TMEM222: variants seen among roughly 807,000 people sequenced by gnomAD.
The protein encoded by TMEM222 is chromosome 1 open reading frame 160.
In TMEM222, 18 loss-of-function variants were observed where a neutral mutation model predicts 25.1. That is an observed-to-expected ratio of 0.72 (90% CI 0.50 to 1.06). The LOEUF is 1.06. TMEM222 is among the 50% of genes least tolerant of loss of function. TMEM222 has a pLI of 0.00. For missense variants in TMEM222, 296 were observed against 293.7 expected (o/e 1.01, Z -0.06); for synonymous variants, 131 against 117.9 (o/e 1.11, Z -0.72).
chr1:27,325,718 C>T, intron 1 of TMEM222: 1 of 878,026 alleles, frequency 1.1e-6, no homozygotes, highest in East Asian at 2.4e-5. Context: ...CCTCACTGTC[C>T]ACCTTCCAGC....
rs753514574 is a variant in TMEM222, at chr1:27,334,049, C to A, written c.403C>A (p.Arg135Ser). The A allele has an allele frequency of 6.2e-7, 1 of 1,613,994 alleles. No individual in the cohort carries two copies. Among genetic ancestry groups the A allele is most frequent in the East Asian group, 2.2e-5 (1 of 44,890 alleles). ...CGACGCCTCTGAGGAGTACAAGCAC[C>A]GCATGGTAGGTGGGCCAGGGCGGCA... is the stretch of plus-strand genomic sequence containing the variant. The part of the protein sequence containing the change: ...VHDASEEYKH[R>S]MHNLCCDNCH... The change falls in exon 4 of 6, where the codon CGC becomes AGC. Residue 135 changes from arginine (R) to serine (S), a missense_variant. Coordinates refer to ENST00000374076, the MANE Select transcript of TMEM222 (RefSeq NM_032125.3).
Position 27,336,246 on chromosome 1 carries a change from G to A in TMEM222, c.*780G>A, listed in dbSNP as rs1056044371. The A allele has an allele frequency of 5.9e-5, 9 of 152,512 alleles. No homozygotes were observed. Among genetic ancestry groups the A allele is most frequent in the East Asian group, 3.8e-4 (2 of 5,202 alleles). 9.4% of individuals were successfully genotyped at this position (152,512 alleles called of 1,614,324 possible). A position where few individuals can be genotyped will look rare whatever the true frequency, so the allele number is the denominator to read the frequency against. On this transcript the variant is annotated 3_prime_UTR_variant, in exon 6 of 6. Coordinates refer to ENST00000374076, the MANE Select transcript of TMEM222 (RefSeq NM_032125.3). ...CCTGGGTGGCCTGCCAGCACAGCCA[G>A]TGCCATCAGGGAGCTGAAGGGGCTG...
At chr1:27,332,203 A>G in intron 3 of TMEM222, 102 bp downstream of exon 3, 2 of 1,419,234 alleles carry the variant, frequency 1.4e-6, no homozygotes, top group Non-Finnish European at 2.0e-6. Flanking sequence ...CCCTGAGAAT[A>G]GAGTATTTGG....
At chr1:27,324,432 C>T (rs2014290191) in intron 1 of TMEM222, among the ~76,000 whole-genome samples, 1 of 152,242 alleles carries the variant, frequency 6.6e-6, no homozygotes, top group Non-Finnish European at 1.5e-5. Flanking sequence ...CTCAAAAACA[C>T]CATCTGTGGC....
At chr1:27,327,834 TG>T (rs1323688993) in intron 1 of TMEM222, among the ~76,000 whole-genome samples, 2 of 152,230 alleles carry the variant, frequency 1.3e-5, no homozygotes, top group African/African-American at 4.8e-5. Context: ...CTCAAATTCC[TG>T]GGCTCAAGCA....
chr1:27,327,337 T>A (rs922250252), intron 1 of TMEM222, among the ~76,000 whole-genome samples: 5 of 152,178 alleles, frequency 3.3e-5, no homozygotes, highest in African/African-American at 1.2e-4. Flanking sequence ...TCAACCCAGA[T>A]GATATCTGAG....
At chr1:27,332,163 A>C in intron 3 of TMEM222, 62 bp downstream of exon 3, 1 of 1,601,758 alleles carries the variant, frequency 6.2e-7, no homozygotes, top group Non-Finnish European at 8.6e-7. Context: ...GGGGCGGGCC[A>C]GGCCTTCTGG....
At chr1:27,334,661 C>T (rs1422841205) in intron 5 of TMEM222, 1 of 1,420,148 alleles carries the variant, frequency 7.0e-7, no homozygotes, top group African/African-American at 1.4e-5. Flanking sequence ...AATGACTGCC[C>T]CACAGGTCCC....
intron 2 of TMEM222, 149 bp downstream of exon 2, chr1:27,330,953 T>C: frequency 6.6e-7 from 1 of 1,524,074 alleles, no homozygotes; most frequent in Non-Finnish European, 8.8e-7. Flanking sequence ...CTCACCAGTG[T>C]TTGACCCCTT....
chr1:27,322,820 A>G (rs1456746209), intron 1 of TMEM222, among the ~76,000 whole-genome samples: 1 of 152,124 alleles, frequency 6.6e-6, no homozygotes, highest in Non-Finnish European at 1.5e-5. Context: ...TTGGGACCAC[A>G]CGAGATCCTG....
chr1:27,335,292 T>C (rs995516966), intron 5 of TMEM222, 87 bp from the exon 6 acceptor site: 5 of 1,337,152 alleles, frequency 3.7e-6, no homozygotes, highest in Middle Eastern at 3.7e-4. Flanking sequence ...GGCAGCCCTA[T>C]TGGGGTCTGT....
chr1:27,330,680 T>G, intron 1 of TMEM222, 40 bp from the exon 2 acceptor site: 1 of 1,558,368 alleles, frequency 6.4e-7, no homozygotes, highest in Non-Finnish European at 8.9e-7. Context: ...GGCTGAAAGA[T>G]CCCCTAAGCT....
intron 1 of TMEM222, among the ~76,000 whole-genome samples, chr1:27,323,465 C>T (rs1464127217): frequency 1.3e-5 from 2 of 152,208 alleles, no homozygotes; most frequent in African/African-American, 2.4e-5. Context: ...CATATAAGAG[C>T]ATCCAAATCT....
At chr1:27,330,585 G>A in intron 1 of TMEM222, 135 bp from the exon 2 acceptor site, 1 of 747,908 alleles carries the variant, frequency 1.3e-6, no homozygotes, top group South Asian at 1.7e-5. Context: ...CAGCCTTCTG[G>A]ACCACCCTAA....
intron 5 of TMEM222, 94 bp downstream of exon 5, chr1:27,334,375 C>T: frequency 6.4e-7 from 1 of 1,566,130 alleles, no homozygotes; most frequent in Non-Finnish European, 8.7e-7. Context: ...CTTCAGTCAG[C>T]CAGGACAGTT....
chr1:27,326,782 T>C (rs912762760), intron 1 of TMEM222, among the ~76,000 whole-genome samples: 18 of 152,210 alleles, frequency 1.2e-4, no homozygotes, highest in African/African-American at 3.6e-4. Context: ...TATTCATTTA[T>C]TGTATCTTTA....
Position 27,335,501 on chromosome 1 carries a change from C to G in TMEM222, c.*35C>G, listed in dbSNP as rs778661044. ...GGTGGCCCCACACCCACCAGGGTCC[C>G]GAGGAAACAGCCGCCATCCCTTTTG... On this transcript the variant is annotated 3_prime_UTR_variant, in exon 6 of 6. Transcript: ENST00000374076. The G allele has an allele frequency of 1.2e-5, 20 of 1,601,702 alleles. No homozygotes were observed. In the South Asian group the frequency reaches 2.0e-4, roughly 16 times the overall value.
At chr1:27,325,099 T>C (rs1459388782) in intron 1 of TMEM222, 4 of 325,784 alleles carry the variant, frequency 1.2e-5, no homozygotes, top group Non-Finnish European at 2.4e-5. Context: ...GAGCTAGGCA[T>C]AGATGTGGCG....
chr1:27,328,875 C>T (rs1254213044), intron 1 of TMEM222, among the ~76,000 whole-genome samples: 2 of 152,166 alleles, frequency 1.3e-5, no homozygotes, highest in African/African-American at 2.4e-5. Context: ...GCTTTATGCT[C>T]GTGCCCAGGC....
Sources: allele counts gnomAD v4.1 joint callset (sites outside exome capture counted in the v4.1 genomes callset), GRCh38; gene constraint gnomAD v4.1.1; transcripts MANE v1.5; gene names NCBI Gene and HGNC (gene_info 2026-07-23, HGNC 2026-07-21).